The following CD163 variants were observed in gnomAD, a reference collection of about 807,000 sequenced individuals.
CD163 encodes CD163 molecule.
In CD163, 64 loss-of-function variants were observed where a neutral mutation model predicts 129.2. The observed-to-expected ratio is 0.50, with a 90% CI of 0.41 to 0.61. CD163 has a LOEUF of 0.61. Ranked by LOEUF, CD163 falls within the 20% of genes least tolerant of loss-of-function variation. CD163 has a pLI of 0.00. For missense variants in CD163, 1,061 were observed against 1,377.9 expected, an observed-to-expected ratio of 0.77 and a Z score of 3.64; for synonymous variants, 446 against 478.5, an observed-to-expected ratio of 0.93 and a Z score of 0.89.
Position 7,475,490 on chromosome 12 carries a change from A to G in CD163, c.*32-4093T>C, listed in dbSNP as rs115806092. On this transcript the variant is annotated intron_variant, in intron 16 of 16. Coordinates refer to ENST00000432237, the MANE Select transcript of CD163 (RefSeq NM_203416.4). ...TAAACAGAACAAATCACAAAAACCA[A>G]ATGATTGTCTCAACAGATGCAGAAA... is the stretch of plus-strand genomic sequence containing the variant. 7.3e-3 allele frequency among the ~76,000 whole-genome samples: 1,117 copies of G among 152,218 alleles called. 21 individuals are homozygous for G. The highest frequency in any genetic ancestry group is 0.025 in the African/African-American group (1,058 of 41,554).
At chr12:7,489,144 G>C (rs1949294994) in intron 6 of CD163, among the ~76,000 whole-genome samples, 1 of 152,106 alleles carries the variant, frequency 6.6e-6, no homozygotes, top group Non-Finnish European at 1.5e-5. Context: ...AGAATTTGAA[G>C]CCAGACAGTA....
At chr12:7,489,614 G>C (rs955638686) in intron 6 of CD163, among the ~76,000 whole-genome samples, 3 of 152,012 alleles carry the variant, frequency 2.0e-5, no homozygotes, top group African/African-American at 7.2e-5. Flanking sequence ...ACAGAATTCA[G>C]TCTGTCAGTG....
At chr12:7,482,510 T>C in intron 14 of CD163, 133 bp downstream of exon 14, 1 of 973,340 alleles carries the variant, frequency 1.0e-6, no homozygotes, top group Non-Finnish European at 1.5e-6. Flanking sequence ...GGCCCTTCCC[T>C]CTGTTTTGAG....
rs763064223 is a variant in CD163, at chr12:7,487,104, G to T, written c.2051-118C>A. The T allele has an allele frequency of 1.7e-4, 149 of 857,846 alleles. No individual in the cohort carries two copies. The highest frequency in any genetic ancestry group is 2.5e-4 in the Non-Finnish European group (140 of 549,814). 53.1% of individuals were successfully genotyped at this position (857,846 alleles called of 1,614,324 possible). A position where few individuals can be genotyped will look rare whatever the true frequency, so the allele number is the denominator to read the frequency against. Reference sequence around the variant, plus strand: ...TTAGAGAGAGAGGGGAAGGTGGATGGTCAACAAGTTTGAAATAAATCAGGT... The same window carrying T: ...TTAGAGAGAGAGGGGAAGGTGGATGTTCAACAAGTTTGAAATAAATCAGGT... On this transcript the variant is annotated intron_variant, in intron 8 of 16. Transcript: ENST00000432237. The surrounding 1 kb of genome is among the most constrained non-coding windows in gnomAD (Gnocchi z 5.1).
At chr12:7,500,036 T>C (rs1322026127) in intron 3 of CD163, among the ~76,000 whole-genome samples, 2 of 152,140 alleles carry the variant, frequency 1.3e-5, no homozygotes, top group Non-Finnish European at 2.9e-5. Context: ...GTTTCTCTTA[T>C]CACATCATGA....
rs1949179375 is a variant in CD163 at position 7,482,731 on chromosome 12, T to C, written c.3159A>G (p.Ala1053=). The C allele has an allele frequency of 6.2e-7, 1 of 1,613,936 alleles. No homozygotes were observed. The highest frequency in any genetic ancestry group is 1.3e-5 in the African/African-American group (1 of 74,910). ...ACAGAACAACCCCAAGGATCCCGAC[T>C]GCAATAAAGGATGACTGACGGGATG... ...GRSSRQSSFI[A]VGILGVVLLA... is the part of the protein sequence containing the mutation. Residue 1053 remains alanine, a synonymous_variant, in exon 14 of 17, where the codon GCA becomes GCG. Transcript: ENST00000432237.
At chr12:7,489,806 G>A (rs1278881532) in intron 6 of CD163, among the ~76,000 whole-genome samples, 6 of 152,100 alleles carry the variant, frequency 3.9e-5, no homozygotes, top group African/African-American at 1.4e-4. Flanking sequence ...TTAAGGAGAG[G>A]TGATAAACAC....
In CD163 at chr12:7,501,292, C is replaced by G. The variant is rs766308408; in HGVS notation, c.304G>C (p.Gly102Arg). The G allele has an allele frequency of 8.7e-6, 14 of 1,614,060 alleles. No individual in the cohort carries two copies. The highest frequency in any genetic ancestry group is 1.7e-5 in the Admixed American group (1 of 60,004). The change falls in exon 3 of 17, where the codon GGA becomes CGA. Residue 102 changes from glycine (G) to arginine (R), a missense_variant. By Grantham distance (125) the Gly-to-Arg change is moderately radical. Coordinates refer to ENST00000432237, the MANE Select transcript of CD163 (RefSeq NM_203416.4). Reference sequence around the variant, plus strand: ...GAACCTGCACTGGAATTAGCCCATCCAGGGGCTTTGATAGCAGTTGGACAT... The same window carrying G: ...GAACCTGCACTGGAATTAGCCCATCGAGGGGCTTTGATAGCAGTTGGACAT... ...LGCPTAIKAP[G>R]WANSSAGSGR... is the part of the protein sequence containing the mutation.
Position 7,495,250 on chromosome 12 carries a change from T to G in CD163, c.1251A>C (p.Gly417=). 6.2e-7 allele frequency: 1 copy of G among 1,614,122 alleles called. No homozygotes were observed. Among genetic ancestry groups the G allele is most frequent in the Non-Finnish European group, 8.5e-7 (1 of 1,180,004 alleles). The change falls in exon 6 of 17, where the codon GGA becomes GGC. Residue 417 remains glycine (G), a synonymous_variant. Transcript: ENST00000432237. ...ADVVCRQLGC[G]SALKTSYQVY... ...CTTGATAAGATGTTTTGAGTGCAGA[T>G]CCACATCCCAGCTGCCTGCAAACCA... is the stretch of plus-strand genomic sequence containing the variant.
chr12:7,502,377 T>C (rs1030712042), intron 2 of CD163, 101 bp downstream of exon 2: 1 of 775,624 alleles, frequency 1.3e-6, no homozygotes, highest in Non-Finnish European at 2.4e-6. Context: ...GCATGTCACC[T>C]AGTTTTTAGA....
intron 6 of CD163, among the ~76,000 whole-genome samples, chr12:7,494,517 G>C (rs931107476): frequency 6.6e-6 from 1 of 152,040 alleles, no homozygotes; most frequent in Non-Finnish European, 1.5e-5. Context: ...CCTTTTTGTT[G>C]CATGAGTAAA....
intron 6 of CD163, among the ~76,000 whole-genome samples, chr12:7,492,730 C>T (rs1325806642): frequency 1.3e-5 from 2 of 151,948 alleles, no homozygotes; most frequent in African/African-American, 4.8e-5. Flanking sequence ...GTATGGTCTG[C>T]CTGCAGGTGT....
intron 12 of CD163, 67 bp downstream of exon 12, chr12:7,483,300 C>T (rs775146850): frequency 3.4e-6 from 5 of 1,468,302 alleles, no homozygotes; most frequent in Non-Finnish European, 4.7e-6. Flanking sequence ...TTACACAACA[C>T]ACATCACTGC....
chr12:7,486,864 T>C (rs1309993636), intron 9 of CD163, 30 bp downstream of exon 9: 1 of 1,606,622 alleles, frequency 6.2e-7, no homozygotes. Context: ...TTGTTATTAA[T>C]ATTTTCATAG....
rs761316130 is a variant in CD163 at position 7,489,638 on chromosome 12, C to T, written c.1421-1551G>A. Among the ~76,000 whole-genome samples the T allele has an allele frequency of 6.6e-5, 10 of 152,056 alleles. No individual in the cohort carries two copies. In the East Asian group the frequency reaches 1.2e-3, roughly 18 times the overall value. On this transcript the variant is annotated intron_variant, in intron 6 of 16. Coordinates refer to ENST00000432237, the MANE Select transcript of CD163 (RefSeq NM_203416.4). ...AGTCTGTCAGTGAAGATAGATAATA[C>T]TAAAAATAATAATCATAATCATATT...
In CD163 at chr12:7,483,529, A is replaced by T; in HGVS notation, c.2926T>A (p.Leu976Met). Residue 976 changes from leucine to methionine, a missense_variant, in exon 12 of 17, where the codon TTG becomes ATG. Leu to Met is a conservative substitution (Grantham distance 15, BLOSUM62 2). Transcript: ENST00000432237. ...AACTCTGCTTCTTTGAATGCTTTCA[A>T]AGCTGGACCACAGCCAAGTTGTTGA... ...VCQQLGCGPA[L>M]KAFKEAEFGQ... is the part of the protein sequence containing the mutation. The T allele has an allele frequency of 6.2e-7, 1 of 1,613,978 alleles. No homozygotes were observed. Among genetic ancestry groups the T allele is most frequent in the Non-Finnish European group, 8.5e-7 (1 of 1,179,988 alleles).
At chr12:7,475,629 A>C (rs753674229) in intron 16 of CD163, among the ~76,000 whole-genome samples, 92 of 152,330 alleles carry the variant, frequency 6.0e-4, no homozygotes, top group Middle Eastern at 3.4e-3. Context: ...CATAGCCAAT[A>C]TAATATTGAA....
At position 7,503,634 on chromosome 12, in the gene CD163, G is replaced by A. The variant is rs762149209; in HGVS notation, c.46+11C>T. On this transcript the variant is annotated intron_variant, in intron 1 of 16. Coordinates refer to ENST00000432237, the MANE Select transcript of CD163 (RefSeq NM_203416.4). ...TAAAGGGGAAATGTAGAATAAATGA[G>A]AAGCTTTTACCAGCAGATCCAGAGT... The A allele has an allele frequency of 6.3e-7, 1 of 1,577,578 alleles. No individual in the cohort carries two copies. Among genetic ancestry groups the A allele is most frequent in the Non-Finnish European group, 8.7e-7 (1 of 1,151,260 alleles).
Position 7,501,189 on chromosome 12 carries a change from C to T in CD163, c.407G>A (p.Gly136Glu). Residue 136 changes from glycine to glutamate, a missense_variant, in exon 3 of 17, where the codon GGA becomes GAA. By Grantham distance (98) the Gly-to-Glu change is moderately conservative. Transcript: ENST00000432237. ...ALWDCKHDGW[G>E]KHSNCTHQQD... ...TTGGTGAGTACAGTTACTATGCTTT[C>T]CCCATCCATCATGTTTGCAATCCCA... 1 of 1,614,188 alleles carries T rather than the reference C, an allele frequency of 6.2e-7. No individual in the cohort carries two copies. The highest frequency in any genetic ancestry group is 1.1e-5 in the South Asian group (1 of 91,080).
Sources: gnomAD v4.1 joint callset for allele counts (sites outside exome capture counted in the v4.1 genomes callset) on GRCh38, gnomAD v4.1.1 for gene constraint, Gnocchi (gnomAD v3.1) non-coding constraint, MANE v1.5 for transcripts, NCBI Gene and HGNC (gene_info 2026-07-23, HGNC 2026-07-21) for gene names.